The following PLEKHM3 variants were observed in gnomAD, a reference collection of about 807,000 sequenced individuals.
The protein encoded by PLEKHM3 is pleckstrin homology domain containing M3.
A neutral mutation model predicts 81.8 loss-of-function variants in PLEKHM3; 45 were observed. The observed-to-expected ratio is 0.55, with a 90% CI of 0.43 to 0.71. PLEKHM3 has a LOEUF of 0.71. Among genes scored for constraint, PLEKHM3 ranks in the 30% least tolerant of loss-of-function variants. The pLI, the probability that PLEKHM3 is intolerant of heterozygous loss-of-function variation, is 0.00. For synonymous variants in PLEKHM3, 352 were observed against 356.4 expected, an observed-to-expected ratio of 0.99 and a Z score of 0.14; for missense variants, 788 against 924.3, an observed-to-expected ratio of 0.85 and a Z score of 1.91.
At chr2:208,006,487 C>T (rs898265264) in intron 1 of PLEKHM3, among the ~76,000 whole-genome samples, 1 of 152,164 alleles carries the variant, frequency 6.6e-6, no homozygotes, top group East Asian at 1.9e-4. Flanking sequence ...TCTGGCAAAC[C>T]ATTTAACCTC....
intron 6 of PLEKHM3, among the ~76,000 whole-genome samples, chr2:207,893,622 A>G (rs769341560): frequency 2.6e-5 from 4 of 152,210 alleles, no homozygotes; most frequent in Non-Finnish European, 5.9e-5. Flanking sequence ...GGAAGGGGAT[A>G]GGAATTAAAA....
At chr2:207,989,277 T>A (rs1691820886) in intron 2 of PLEKHM3, among the ~76,000 whole-genome samples, 1 of 152,174 alleles carries the variant, frequency 6.6e-6, no homozygotes, top group Non-Finnish European at 1.5e-5. Context: ...GTATCTGCAA[T>A]ATGCAGCATA....
At chr2:207,853,621 C>A (rs2092423868) in intron 7 of PLEKHM3, among the ~76,000 whole-genome samples, 1 of 151,402 alleles carries the variant, frequency 6.6e-6, no homozygotes. Flanking sequence ...GTAATCCCAG[C>A]TACTCAGGAG....
chr2:207,997,055 G>A (rs1178017639), intron 2 of PLEKHM3, among the ~76,000 whole-genome samples: 1 of 151,610 alleles, frequency 6.6e-6, no homozygotes, highest in African/African-American at 2.4e-5. Context: ...TAAGAAACCT[G>A]CCTTATATTA....
At chr2:208,002,347 C>T (rs1308081778) in intron 1 of PLEKHM3, among the ~76,000 whole-genome samples, 1 of 152,158 alleles carries the variant, frequency 6.6e-6, no homozygotes, top group Non-Finnish European at 1.5e-5. Context: ...ATGCTTGAGT[C>T]CTTTCACAAA....
chr2:207,914,745 A>G (rs1267074694), intron 5 of PLEKHM3, among the ~76,000 whole-genome samples: 2 of 152,058 alleles, frequency 1.3e-5, no homozygotes, highest in Non-Finnish European at 2.9e-5. Flanking sequence ...TCATTATATT[A>G]AGAACCAAAA....
chr2:207,931,123 C>CA lies in PLEKHM3; in HGVS notation c.1693-5dup, dbSNP rs1553556483. The CA allele has an allele frequency of 6.2e-7, 1 of 1,602,368 alleles. No homozygotes were observed. Among genetic ancestry groups the CA allele is most frequent in the Non-Finnish European group, 8.5e-7 (1 of 1,172,046 alleles). On this transcript the variant is annotated splice_region_variant and splice_polypyrimidine_tract_variant and intron_variant, in intron 4 of 7. Transcript: ENST00000427836. ...ACTCCTTGGCCTGCTTCGACACCTA[C>CA]AAAACAAGCGTCGTCAGTCAGTCCT...
At chr2:208,007,496 C>T (rs1692534360) in intron 1 of PLEKHM3, among the ~76,000 whole-genome samples, 1 of 152,186 alleles carries the variant, frequency 6.6e-6, no homozygotes, top group Admixed American at 6.5e-5. Flanking sequence ...TCAGATGAAA[C>T]AGACAGCTAG....
In PLEKHM3 at chr2:207,873,607, G is replaced by A. The variant is rs1334430176; in HGVS notation, c.1951-12345C>T. Among the ~76,000 whole-genome samples the A allele has an allele frequency of 3.3e-5, 5 of 152,296 alleles. No homozygotes were observed. In the East Asian group the frequency reaches 9.6e-4, roughly 29 times the overall value. On this transcript the variant is annotated intron_variant, in intron 6 of 7. Transcript: ENST00000427836. The stretch of plus-strand genomic sequence containing the variant: ...AAATTCTCAACAAAAGTGAAATAAT[G>A]TCACCAGCTTTTTGTTCCCCTGCCT...
At chr2:207,868,959 A>G (rs1244327411) in intron 6 of PLEKHM3, 2 of 152,244 alleles carry the variant, frequency 1.3e-5, no homozygotes, top group Non-Finnish European at 2.9e-5. Flanking sequence ...ATAAGAAAAC[A>G]GGGCTTGTAC....
chr2:207,846,179 G>T (rs1486696733), intron 7 of PLEKHM3, among the ~76,000 whole-genome samples: 2 of 152,096 alleles, frequency 1.3e-5, no homozygotes. Flanking sequence ...GTCTTGCTCT[G>T]TCGCCCAGGC....
At chr2:207,830,070 T>G (rs559955558) in intron 7 of PLEKHM3, among the ~76,000 whole-genome samples, 39 of 152,168 alleles carry the variant, frequency 2.6e-4, no homozygotes, top group African/African-American at 9.4e-4. Flanking sequence ...TGTGGGTGTG[T>G]GCGTGCACAC....
At chr2:207,923,905 A>ATATTTTTTTTTT (rs1396762429) in intron 5 of PLEKHM3, among the ~76,000 whole-genome samples, 3 of 28,340 alleles carry the variant, frequency 1.1e-4, no homozygotes, top group Non-Finnish European at 1.3e-4. Flanking sequence ...ATATATATAT[A>ATATTTTTTTTTT]TTTTTTTTTT....
At chr2:207,981,678 C>A (rs563878985) in intron 2 of PLEKHM3, among the ~76,000 whole-genome samples, 2 of 152,248 alleles carry the variant, frequency 1.3e-5, no homozygotes, top group East Asian at 3.9e-4. Context: ...TTGCTACTGA[C>A]AAATCAGAAG....
intron 7 of PLEKHM3, among the ~76,000 whole-genome samples, chr2:207,840,832 T>G (rs1436504031): frequency 1.4e-5 from 2 of 140,368 alleles, no homozygotes; most frequent in Non-Finnish European, 3.0e-5. Context: ...TGAGACAGAG[T>G]CTCTGTCACC....
intron 3 of PLEKHM3, among the ~76,000 whole-genome samples, chr2:207,948,913 G>A (rs12618865): frequency 0.2 from 30,604 of 152,068 alleles, 3,685 homozygotes; most frequent in Middle Eastern, 0.34. Flanking sequence ...TCCTGACCTC[G>A]TGATCCGCCT....
At chr2:207,966,746 G>A (rs1690925742) in intron 3 of PLEKHM3, among the ~76,000 whole-genome samples, 1 of 151,980 alleles carries the variant, frequency 6.6e-6, no homozygotes, top group South Asian at 2.1e-4. Flanking sequence ...GTAGAGATGG[G>A]GTTTCACCAT....
chr2:207,983,379 A>T (rs1314133921), intron 2 of PLEKHM3, among the ~76,000 whole-genome samples: 3 of 152,040 alleles, frequency 2.0e-5, no homozygotes, highest in Admixed American at 1.3e-4. Context: ...GGCATGGGGG[A>T]TTAGCACACC....
At chr2:208,023,773 C>T (rs1285221484) in intron 1 of PLEKHM3, among the ~76,000 whole-genome samples, 1 of 152,146 alleles carries the variant, frequency 6.6e-6, no homozygotes, top group Non-Finnish European at 1.5e-5. Flanking sequence ...CACCAGGGGA[C>T]CGCAGCATTA....
Sources: gnomAD v4.1 joint callset for allele counts (sites outside exome capture counted in the v4.1 genomes callset) on GRCh38, gnomAD v4.1.1 for gene constraint, MANE v1.5 for transcripts, NCBI Gene and HGNC (gene_info 2026-07-23, HGNC 2026-07-21) for gene names.